Variants in CYP2J2 observed in about 807,000 individuals in gnomAD.
The protein encoded by CYP2J2 is cytochrome P450 family 2 subfamily J member 2, also known as cytochrome P450 2J2.
A neutral mutation model predicts 48.8 loss-of-function variants in CYP2J2; 41 were observed. The ratio of observed to expected loss-of-function variants is 0.84; its 90% CI spans 0.66 to 1.09. CYP2J2 has a LOEUF of 1.09. Ranked by LOEUF, CYP2J2 falls within the 50% of genes least tolerant of loss-of-function variation. The probability of loss-of-function intolerance (pLI) is 0.00; values close to 1 mark genes in which losing one functional copy is unlikely to be tolerated. For missense variants in CYP2J2, 644 were observed against 617.3 expected (o/e 1.04, Z -0.46); for synonymous variants, 221 against 227.1 (o/e 0.97, Z 0.24).
At chr1:59,969,000 G>A in the CYP2J2 span, among the ~76,000 whole-genome samples, 1 of 152,270 alleles carries the variant, frequency 6.6e-6, no homozygotes, top group Non-Finnish European at 1.5e-5. Context: ...CTTTCGCCGT[G>A]AGTGTTAACA....
At chr1:59,937,938 T>C in the CYP2J2 span, among the ~76,000 whole-genome samples, 1 of 152,150 alleles carries the variant, frequency 6.6e-6, no homozygotes, top group Non-Finnish European at 1.5e-5. Flanking sequence ...CTCTATCTTT[T>C]TGTTACATTT....
chr1:59,966,841 CA>C, the CYP2J2 span, among the ~76,000 whole-genome samples: 1 of 152,286 alleles, frequency 6.6e-6, no homozygotes, highest in Middle Eastern at 3.4e-3. Context: ...TCACCCATAT[CA>C]CTAAACCGAA....
chr1:59,907,828 G>T lies in CYP2J2; in HGVS notation c.961C>A (p.Arg321=), dbSNP rs2229191. 0.037 allele frequency: 59,533 copies of T among 1,613,894 alleles called. 1,395 individuals carry two copies. The highest frequency in any genetic ancestry group is 0.09 in the Admixed American group (5,382 of 60,012). The change falls in exon 6 of 9, where the codon CGA becomes AGA. Residue 321 remains arginine, a synonymous_variant. Coordinates refer to ENST00000371204, the MANE Select transcript of CYP2J2 (RefSeq NM_000775.4). Reference sequence around the variant, plus strand: ...AGGGCCATATAAAGCAGAGCCCATCGCAGAGTTGTGGAAGTTGTCTCGGTT... The same window carrying T: ...AGGGCCATATAAAGCAGAGCCCATCTCAGAGTTGTGGAAGTTGTCTCGGTT... ...AGTETTSTTL[R]WALLYMALYP...
At position 59,922,303 on chromosome 1, in the gene CYP2J2, C is replaced by T. The variant is rs11572211; in HGVS notation, c.210+4234G>A. On this transcript the variant is annotated intron_variant, in intron 1 of 8. Coordinates refer to ENST00000371204, the MANE Select transcript of CYP2J2 (RefSeq NM_000775.4). ...ATTTTGCTCCATGGTAAAATGGAAGCACCACCAGATCATACCTAACTTGTG... is the reference window on the plus strand; with the variant it reads ...ATTTTGCTCCATGGTAAAATGGAAGTACCACCAGATCATACCTAACTTGTG... Among the ~76,000 whole-genome samples, 194 of 152,288 alleles carry T rather than the reference C, an allele frequency of 1.3e-3. 2 individuals are homozygous for T. Among genetic ancestry groups the T allele is most frequent in the African/African-American group, 4.5e-3 (188 of 41,556 alleles).
upstream of CYP2J2, among the ~76,000 whole-genome samples, chr1:59,927,028 G>A (rs1471889307): frequency 6.6e-6 from 1 of 152,230 alleles, no homozygotes; most frequent in Admixed American, 6.5e-5. Context: ...TCTCTCCTAT[G>A]ATTGGAACTG....
At chr1:59,895,847 C>T (rs1453879654) in intron 8 of CYP2J2, among the ~76,000 whole-genome samples, 1 of 152,172 alleles carries the variant, frequency 6.6e-6, no homozygotes, top group Non-Finnish European at 1.5e-5. Context: ...ATTTCTTCCA[C>T]ATTTATTAGT....
chr1:59,893,978 C>T (rs1043087065), intron 8 of CYP2J2, 149 bp from the exon 9 acceptor site: 3 of 671,992 alleles, frequency 4.5e-6, no homozygotes, highest in Admixed American at 3.0e-5. Flanking sequence ...TTATTTAAGT[C>T]TGATAACCAC....
chr1:59,966,061 T>C, the CYP2J2 span, among the ~76,000 whole-genome samples: 1 of 152,204 alleles, frequency 6.6e-6, no homozygotes, highest in African/African-American at 2.4e-5. Flanking sequence ...GCAGGGTTAA[T>C]TTATTTTGGA....
At chr1:59,936,736 A>G in the CYP2J2 span, among the ~76,000 whole-genome samples, 2 of 152,172 alleles carry the variant, frequency 1.3e-5, no homozygotes, top group African/African-American at 2.4e-5. Flanking sequence ...ATCAAGGGCC[A>G]GGTCAAAGGC....
chr1:59,938,478 A>T, the CYP2J2 span, among the ~76,000 whole-genome samples: 3 of 152,244 alleles, frequency 2.0e-5, no homozygotes. Context: ...CTGGATGTGC[A>T]CGTAGGCCAG....
At chr1:59,924,386 T>C (rs1644544915) in intron 1 of CYP2J2, among the ~76,000 whole-genome samples, 1 of 152,106 alleles carries the variant, frequency 6.6e-6, no homozygotes, top group South Asian at 2.1e-4. Flanking sequence ...GGTAAATAAA[T>C]GAGTAAATAC....
intron 7 of CYP2J2, chr1:59,904,223 A>C (rs1418922688): frequency 2.6e-5 from 4 of 152,194 alleles, no homozygotes; most frequent in Non-Finnish European, 4.4e-5. Context: ...AAAAATACAA[A>C]AATTAGCTGG....
At chr1:59,935,015 CATATAT>C in the CYP2J2 span, among the ~76,000 whole-genome samples, 8,532 of 46,902 alleles carry the variant, frequency 0.18, 740 homozygotes, top group African/African-American at 0.24. Flanking sequence ...TATATATATA[CATATAT>C]ATATATATAT....
intron 2 of CYP2J2, among the ~76,000 whole-genome samples, chr1:59,915,351 G>C (rs974554488): frequency 1.3e-5 from 2 of 152,168 alleles, no homozygotes; most frequent in Non-Finnish European, 2.9e-5. Flanking sequence ...AGGTGTGGAA[G>C]GGCTGGCCCC....
the CYP2J2 span, among the ~76,000 whole-genome samples, chr1:59,951,550 G>A: frequency 6.6e-6 from 1 of 152,122 alleles, no homozygotes; most frequent in African/African-American, 2.4e-5. Context: ...AACTAGGCTT[G>A]GGTCCTATTT....
At chr1:59,942,247 A>T in the CYP2J2 span, among the ~76,000 whole-genome samples, 1 of 152,048 alleles carries the variant, frequency 6.6e-6, no homozygotes, top group African/African-American at 2.4e-5. Context: ...AGGTTTGGTG[A>T]CCTAGGAGGG....
the CYP2J2 span, among the ~76,000 whole-genome samples, chr1:59,955,790 CT>C: frequency 6.6e-6 from 1 of 152,026 alleles, no homozygotes; most frequent in Non-Finnish European, 1.5e-5. Flanking sequence ...TGGCTGTATT[CT>C]TCAAAATGTC....
At chr1:59,968,891 C>T in the CYP2J2 span, among the ~76,000 whole-genome samples, 5 of 152,270 alleles carry the variant, frequency 3.3e-5, no homozygotes, top group African/African-American at 9.6e-5. Flanking sequence ...CTTAAGGTGG[C>T]GCACCTGGAG....
At chr1:59,930,290 T>C (rs890047575), upstream of CYP2J2, among the ~76,000 whole-genome samples, 42 of 152,198 alleles carry the variant, frequency 2.8e-4, no homozygotes, top group South Asian at 2.1e-4. Flanking sequence ...CTGGATCATA[T>C]GGTAGTTCTA....
Sources: allele counts gnomAD v4.1 joint callset (sites outside exome capture counted in the v4.1 genomes callset), GRCh38; gene constraint gnomAD v4.1.1; transcripts MANE v1.5; gene names NCBI Gene and HGNC (gene_info 2026-07-23, HGNC 2026-07-21).